PMPCB: variants seen among roughly 807,000 people sequenced by gnomAD.
PMPCB encodes peptidase, mitochondrial processing subunit beta.
PMPCB carries 46 observed loss-of-function variants against 61.5 expected under a neutral mutation model. That is an observed-to-expected ratio of 0.75 (90% CI 0.59 to 0.96). The LOEUF is 0.96. Ranked by LOEUF, PMPCB falls within the 40% of genes least tolerant of loss-of-function variation. PMPCB has a pLI of 0.00. For synonymous variants in PMPCB, 191 were observed against 201.6 expected, an observed-to-expected ratio of 0.95 and a Z score of 0.44; for missense variants, 590 against 602.4, an observed-to-expected ratio of 0.98 and a Z score of 0.22.
Position 103,298,665 on chromosome 7 carries a change from G to A in PMPCB, c.197G>A (p.Gly66Glu). The A allele has an allele frequency of 3.1e-6, 5 of 1,614,138 alleles. No homozygotes were observed. Among genetic ancestry groups the A allele is most frequent in the Non-Finnish European group, 4.2e-6 (5 of 1,179,990 alleles). Residue 66 changes from glycine to glutamate, a missense_variant, in exon 2 of 13, where the codon GGA (glycine) becomes GAA (glutamate). Coordinates refer to ENST00000249269, the MANE Select transcript of PMPCB (RefSeq NM_004279.3). ...ACAAGAGTAACATGTTTAGAAAGTG[G>A]ACTCAGAGTAGCTTCGGAAGACTCT... ...PETRVTCLES[G>E]LRVASEDSGL...
chr7:103,316,181 A>G (rs1453237466), downstream of PMPCB: 3 of 748,248 alleles, frequency 4.0e-6, no homozygotes, highest in East Asian at 5.5e-5. Flanking sequence ...CAGAAAGGTT[A>G]TAGTATGTAC....
the PMPCB span, chr7:103,337,765 T>G: frequency 1.2e-6 from 2 of 1,613,802 alleles, no homozygotes; most frequent in Non-Finnish European, 1.7e-6. Context: ...CTGTGTAGCC[T>G]TGTATCTCAC....
At chr7:103,346,818 ATGTGTGTGTGTGTGTG>A in the PMPCB span, among the ~76,000 whole-genome samples, 67 of 150,190 alleles carry the variant, frequency 4.5e-4, no homozygotes, top group African/African-American at 1.4e-3. Flanking sequence ...AGGCTGAATA[ATGTGTGTGTGTGTGTG>A]TGTGTGTGTG....
chr7:103,306,583 T>A (rs1817598639), intron 6 of PMPCB, among the ~76,000 whole-genome samples: 1 of 152,072 alleles, frequency 6.6e-6, no homozygotes, highest in Non-Finnish European at 1.5e-5. Context: ...GGTTTCTCCA[T>A]GTTGATCAGG....
At chr7:103,308,157 T>C (rs1817637233) in intron 7 of PMPCB, among the ~76,000 whole-genome samples, 1 of 152,200 alleles carries the variant, frequency 6.6e-6, no homozygotes, top group African/African-American at 2.4e-5. Context: ...TTGCAGGGGA[T>C]CTACTAGTTA....
Position 103,312,603 on chromosome 7 carries a change from T to G in PMPCB, c.*332T>G. ...GGCTCTACTTGCATTCAGCACTTGTTCTTGAGCAGCTTTCTTTGCTTTTAC... is the reference window on the plus strand; with the variant it reads ...GGCTCTACTTGCATTCAGCACTTGTGCTTGAGCAGCTTTCTTTGCTTTTAC... On this transcript the variant is annotated 3_prime_UTR_variant, in exon 13 of 13. Coordinates refer to ENST00000249269, the MANE Select transcript of PMPCB (RefSeq NM_004279.3). The G allele has an allele frequency of 1.2e-6, 2 of 1,613,734 alleles. No homozygotes were observed. The highest frequency in any genetic ancestry group is 1.7e-6 in the Non-Finnish European group (2 of 1,179,848).
downstream of PMPCB, chr7:103,316,435 A>G: frequency 4.5e-6 from 1 of 220,084 alleles, no homozygotes; most frequent in Non-Finnish European, 8.9e-6. Flanking sequence ...CTATAGAATT[A>G]GGGACGCTGG....
chr7:103,338,857 C>G, the PMPCB span, among the ~76,000 whole-genome samples: 8 of 151,944 alleles, frequency 5.3e-5, no homozygotes, highest in African/African-American at 1.9e-4. Context: ...TTGCAGTGGG[C>G]CAAGACTGCG....
In PMPCB at chr7:103,299,616, T is replaced by G. The variant is rs565603605; in HGVS notation, c.327+87T>G. On this transcript the variant is annotated intron_variant, in intron 3 of 12. Coordinates refer to ENST00000249269, the MANE Select transcript of PMPCB (RefSeq NM_004279.3). ...TTCTTTAGAGGCAGGGAGAGCTCTT[T>G]CAGTAGTATAACATGTTTTATGTTT... The G allele has an allele frequency of 2.0e-3, 1,457 of 715,418 alleles. 6 individuals are homozygous for G. The highest frequency in any genetic ancestry group is 2.5e-3 in the Non-Finnish European group (1,048 of 413,538). 44.3% of individuals were successfully genotyped at this position (715,418 alleles called of 1,614,324 possible). A position where few individuals can be genotyped will look rare whatever the true frequency, so the allele number is the denominator to read the frequency against.
chr7:103,332,914 A>G (rs2115998380), downstream of PMPCB, among the ~76,000 whole-genome samples: 1 of 152,320 alleles, frequency 6.6e-6, no homozygotes, highest in Admixed American at 6.5e-5. Context: ...ATGAGCCACC[A>G]TGATTAGCTC....
downstream of PMPCB, among the ~76,000 whole-genome samples, chr7:103,330,538 C>T (rs1322366995): frequency 1.3e-5 from 2 of 152,110 alleles, no homozygotes; most frequent in Non-Finnish European, 2.9e-5. Context: ...CTGAAACCTC[C>T]GCCTCCTGGG....
chr7:103,312,840 T>G lies in PMPCB; in HGVS notation c.*569T>G. On this transcript the variant is annotated 3_prime_UTR_variant, in exon 13 of 13. Coordinates refer to ENST00000249269, the MANE Select transcript of PMPCB (RefSeq NM_004279.3). ...ATATTGACCCCATAACTACTGGTTT[T>G]GAAATAAGCACTATATTATTAACCA... The G allele has an allele frequency of 6.6e-7, 1 of 1,524,796 alleles. No individual in the cohort carries two copies. Among genetic ancestry groups the G allele is most frequent in the Non-Finnish European group, 8.8e-7 (1 of 1,142,734 alleles). The allele number at this position is 1,524,796 out of a possible 1,614,324, so 94.5% of individuals were successfully genotyped here.
At chr7:103,311,996 C>G in intron 11 of PMPCB, 60 bp from the exon 12 acceptor site, 1 of 1,560,892 alleles carries the variant, frequency 6.4e-7, no homozygotes, top group Non-Finnish European at 8.7e-7. Flanking sequence ...TTAAAAAGTT[C>G]CAGGTATAGA....
downstream of PMPCB, chr7:103,316,859 C>T (rs751547267): frequency 6.2e-7 from 1 of 1,613,876 alleles, no homozygotes; most frequent in Non-Finnish European, 8.5e-7. Context: ...GGAACAGATT[C>T]ACAGCTTTAA....
At chr7:103,300,433 T>G (rs1586038924) in intron 4 of PMPCB, 126 bp downstream of exon 4, 4 of 654,662 alleles carry the variant, frequency 6.1e-6, no homozygotes, top group African/African-American at 1.9e-5. Context: ...GAAACTGAAT[T>G]CTGGGTGAGG....
the PMPCB span, among the ~76,000 whole-genome samples, chr7:103,340,179 C>T: frequency 1.7e-4 from 26 of 152,308 alleles, no homozygotes; most frequent in Admixed American, 5.9e-4. Flanking sequence ...TGGAAGAATA[C>T]GCTGCCTGAT....
the PMPCB span, among the ~76,000 whole-genome samples, chr7:103,340,597 C>T: frequency 6.6e-6 from 1 of 152,206 alleles, no homozygotes; most frequent in Admixed American, 6.5e-5. Context: ...GAGGTACACA[C>T]ATATCTGGGA....
At position 103,304,454 on chromosome 7, in the gene PMPCB, T is replaced by G; in HGVS notation, c.700T>G (p.Tyr234Asp). 1 of 1,607,878 alleles carries G rather than the reference T, an allele frequency of 6.2e-7. No homozygotes were observed. The highest frequency in any genetic ancestry group is 8.5e-7 in the Non-Finnish European group (1 of 1,174,276). The change falls in exon 6 of 13, where the codon TAT becomes GAT. Residue 234 changes from tyrosine to aspartate, a missense_variant. Transcript: ENST00000249269. The stretch of plus-strand genomic sequence containing the variant: ...CTTAGTGGATTATATAACCACACAT[T>G]ATAAGGGGCCAAGAATAGTGCTTGC... ...KDLVDYITTH[Y>D]KGPRIVLAAA...
At chr7:103,339,602 T>C in the PMPCB span, among the ~76,000 whole-genome samples, 6 of 149,664 alleles carry the variant, frequency 4.0e-5, no homozygotes, top group African/African-American at 1.5e-4. Context: ...CCAAATCCAA[T>C]GGTTTTTTTT....
Sources: gnomAD v4.1 joint callset for allele counts (sites outside exome capture counted in the v4.1 genomes callset) on GRCh38, gnomAD v4.1.1 for gene constraint, MANE v1.5 for transcripts, NCBI Gene and HGNC (gene_info 2026-07-23, HGNC 2026-07-21) for gene names.